Variants in ANKFN1 observed in about 807,000 individuals in gnomAD.
ANKFN1 encodes ankyrin repeat and fibronectin type III domain containing 1, also known as ankyrin repeat and fibronectin type-III domain-containing protein 1.
ANKFN1 carries 74 observed loss-of-function variants against 108.7 expected under a neutral mutation model. The ratio of observed to expected loss-of-function variants is 0.68; its 90% CI spans 0.56 to 0.83. The LOEUF (loss-of-function observed/expected upper bound fraction) is 0.83, where lower values mean the gene tolerates loss of function less well. Ranked by LOEUF, ANKFN1 falls within the 40% of genes least tolerant of loss-of-function variation. ANKFN1 has a pLI of 0.00. For synonymous variants in ANKFN1, 547 were observed against 516.2 expected (o/e 1.06, Z -0.81); for missense variants, 1,505 against 1,382.3 (o/e 1.09, Z -1.41).
At chr17:56,168,392 CT>C (rs1407383701) in intron 1 of ANKFN1, among the ~76,000 whole-genome samples, 2 of 152,104 alleles carry the variant, frequency 1.3e-5, no homozygotes, top group East Asian at 3.9e-4. Flanking sequence ...TGTTTTTCCT[CT>C]TTTTTTCCTA....
At chr17:56,339,550 C>A (rs1048104898) in intron 4 of ANKFN1, among the ~76,000 whole-genome samples, 2 of 152,074 alleles carry the variant, frequency 1.3e-5, no homozygotes, top group African/African-American at 4.8e-5. Flanking sequence ...AAGTGACAAC[C>A]TGCAATATTT....
chr17:56,317,972 A>G (rs1213488353), intron 3 of ANKFN1, among the ~76,000 whole-genome samples: 1 of 152,146 alleles, frequency 6.6e-6, no homozygotes, highest in Non-Finnish European at 1.5e-5. Context: ...TTGTCCTAAT[A>G]TGGGAAACAA....
chr17:56,059,311 C>G (rs1904932795), intron 4 of ANKFN1, among the ~76,000 whole-genome samples: 1 of 151,942 alleles, frequency 6.6e-6, no homozygotes, highest in Admixed American at 6.6e-5. Flanking sequence ...GTTTAAGTTC[C>G]TTGTAAATTC....
chr17:56,105,066 G>T (rs1366627886), intron 4 of ANKFN1, among the ~76,000 whole-genome samples: 2 of 152,142 alleles, frequency 1.3e-5, no homozygotes, highest in Non-Finnish European at 2.9e-5. Flanking sequence ...AGCATATAAT[G>T]GGTGTACAGA....
At chr17:56,366,702 A>G (rs1173482452) in intron 6 of ANKFN1, among the ~76,000 whole-genome samples, 2 of 152,236 alleles carry the variant, frequency 1.3e-5, no homozygotes, top group Non-Finnish European at 2.9e-5. Context: ...AACATGCTGT[A>G]CAGGTGTATA....
intron 3 of ANKFN1, among the ~76,000 whole-genome samples, chr17:56,273,952 ACTT>A (rs960855040): frequency 6.6e-6 from 1 of 152,146 alleles, no homozygotes; most frequent in African/African-American, 2.4e-5. Flanking sequence ...CTTGACATTG[ACTT>A]CTTCTATGTT....
intron 4 of ANKFN1, among the ~76,000 whole-genome samples, chr17:56,333,406 C>T (rs1483352074): frequency 1.3e-5 from 2 of 152,022 alleles, no homozygotes; most frequent in Non-Finnish European, 2.9e-5. Context: ...TTTTATGAAT[C>T]CATAGAGATA....
intron 8 of ANKFN1, among the ~76,000 whole-genome samples, chr17:56,422,272 A>G (rs1469213661): frequency 6.6e-6 from 1 of 152,176 alleles, no homozygotes; most frequent in Admixed American, 6.5e-5. Context: ...CAAATGTTTT[A>G]TTGGGTTTCC....
At chr17:56,422,892 G>C (rs764400588) in intron 8 of ANKFN1, among the ~76,000 whole-genome samples, 3 of 152,170 alleles carry the variant, frequency 2.0e-5, no homozygotes, top group Admixed American at 6.5e-5. Flanking sequence ...CCACGTGCTT[G>C]GTCTGTAACT....
chr17:56,411,729 G>A (rs1377915081), intron 8 of ANKFN1, among the ~76,000 whole-genome samples: 1 of 152,170 alleles, frequency 6.6e-6, no homozygotes, highest in African/African-American at 2.4e-5. Context: ...TGCTTTTACT[G>A]TATCTATTGA....
chr17:56,338,528 T>C (rs2045877747), intron 4 of ANKFN1, among the ~76,000 whole-genome samples: 2 of 152,076 alleles, frequency 1.3e-5, no homozygotes, highest in South Asian at 4.1e-4. Context: ...TAAGGAACGC[T>C]CTCTTAAGAG....
chr17:56,148,611 G>C (rs1479042592), upstream of ANKFN1, among the ~76,000 whole-genome samples: 6 of 151,922 alleles, frequency 3.9e-5, no homozygotes, highest in East Asian at 9.6e-4. Context: ...GGAGAACATA[G>C]GTATGACACA....
At chr17:56,282,278 C>T (rs925713436) in intron 3 of ANKFN1, among the ~76,000 whole-genome samples, 18 of 150,004 alleles carry the variant, frequency 1.2e-4, no homozygotes, top group Non-Finnish European at 1.9e-4. Flanking sequence ...ACAACAGGTG[C>T]CGTGTGTGTG....
At position 56,382,636 on chromosome 17, in the gene ANKFN1, C is replaced by T. The variant is rs544993386; in HGVS notation, c.910+7922C>T. On this transcript the variant is annotated intron_variant, in intron 8 of 20. Coordinates refer to ENST00000682825, the MANE Select transcript of ANKFN1 (RefSeq NM_001370326.1). ...TCAAAATAAAAGGATGGAGGAAGAT[C>T]TACCAAGCAAATGGAAAACAAAAAA... 1.8e-4 allele frequency among the ~76,000 whole-genome samples: 27 copies of T among 152,246 alleles called. No individual in the cohort carries two copies. The South Asian group carries it at 2.7e-3, about 15-fold the overall frequency.
rs563203472 is a variant in ANKFN1, at chr17:56,201,873, G to A, written c.-70-10725G>A. On this transcript the variant is annotated intron_variant, in intron 1 of 20. Transcript: ENST00000682825. ...AGACCATAAGGCAACTCGCAAATTA[G>A]CAATAGCAGAAAACTACCACTACCC... Among the ~76,000 whole-genome samples, 327 of 152,276 alleles carry A rather than the reference G, an allele frequency of 2.1e-3. 3 individuals carry two copies. Among genetic ancestry groups the A allele is most frequent in the South Asian group, 6.4e-3 (31 of 4,824 alleles).
At chr17:56,189,232 G>A (rs1260840501) in intron 1 of ANKFN1, among the ~76,000 whole-genome samples, 3 of 132,790 alleles carry the variant, frequency 2.3e-5, no homozygotes, top group Non-Finnish European at 4.6e-5. Flanking sequence ...GTGCAGTGGC[G>A]GGATCTCGGC....
At chr17:56,198,501 T>G (rs183763186) in intron 1 of ANKFN1, among the ~76,000 whole-genome samples, 1 of 152,286 alleles carries the variant, frequency 6.6e-6, no homozygotes, top group Admixed American at 6.5e-5. Context: ...CCTCCTGCCG[T>G]GTGGCCCCAT....
At chr17:56,315,072 T>C (rs142340857) in intron 3 of ANKFN1, among the ~76,000 whole-genome samples, 275 of 152,300 alleles carry the variant, frequency 1.8e-3, no homozygotes, top group Middle Eastern at 6.8e-3. Flanking sequence ...GTAACTCTCT[T>C]CAGCCTATTT....
chr17:56,298,084 G>A (rs1397216752), intron 3 of ANKFN1, among the ~76,000 whole-genome samples: 4 of 152,092 alleles, frequency 2.6e-5, no homozygotes, highest in Admixed American at 1.3e-4. Flanking sequence ...CAATTCTCAG[G>A]CCCTACCTTG....
Sources: allele counts gnomAD v4.1 joint callset (sites outside exome capture counted in the v4.1 genomes callset), GRCh38; gene constraint gnomAD v4.1.1; transcripts MANE v1.5; gene names NCBI Gene and HGNC (gene_info 2026-07-23, HGNC 2026-07-21).